The following NRXN2 variants were observed in gnomAD, a reference collection of about 807,000 sequenced individuals.
NRXN2 encodes neurexin 2.
In NRXN2, 29 loss-of-function variants were observed where a neutral mutation model predicts 128.8. That is an observed-to-expected ratio of 0.23 (90% CI 0.17 to 0.31). NRXN2 has a LOEUF of 0.31. Among genes scored for constraint, NRXN2 ranks in the 10% least tolerant of loss-of-function variants. The probability of loss-of-function intolerance (pLI) is 1.00; values close to 1 mark genes in which losing one functional copy is unlikely to be tolerated. For synonymous variants in NRXN2, 1,098 were observed against 1,075.2 expected (o/e 1.02, Z -0.41); for missense variants, 1,881 against 2,452.6 (o/e 0.77, Z 4.92).
rs1176477912 is a variant in NRXN2 at position 64,607,110 on chromosome 11, C to A, written c.*86G>T. On this transcript the variant is annotated 3_prime_UTR_variant, in exon 23 of 23. Coordinates refer to ENST00000265459, the MANE Select transcript of NRXN2 (RefSeq NM_015080.4). ...CCTGAGGCAGCCAGGGAGAGGGTCCCCAGGCCCCTGGCAGGGAGAGGGTGG... is the reference window on the plus strand; with the variant it reads ...CCTGAGGCAGCCAGGGAGAGGGTCCACAGGCCCCTGGCAGGGAGAGGGTGG... 7.6e-6 allele frequency: 11 copies of A among 1,450,594 alleles called. No homozygotes were observed. The East Asian group carries it at 2.3e-4, about 30-fold the overall frequency. The allele number at this position is 1,450,594 out of a possible 1,614,324, so 89.9% of individuals were successfully genotyped here. A position where few individuals can be genotyped will look rare whatever the true frequency, so the allele number is the denominator to read the frequency against.
chr11:64,697,892 G>A (rs557284195), intron 2 of NRXN2, 100 bp from the exon 3 acceptor site: 2 of 1,417,492 alleles, frequency 1.4e-6, no homozygotes, highest in Non-Finnish European at 2.0e-6. Context: ...GGGGAGAGAG[G>A]AGTCCAAGCC....
intron 2 of NRXN2, among the ~76,000 whole-genome samples, chr11:64,709,658 C>T (rs1168124296): frequency 1.3e-5 from 2 of 152,054 alleles, no homozygotes; most frequent in East Asian, 3.9e-4. Context: ...AGCCTTTATT[C>T]TCTCAATTAC....
chr11:64,636,713 T>G (rs565814582), intron 17 of NRXN2, among the ~76,000 whole-genome samples: 30 of 152,114 alleles, frequency 2.0e-4, no homozygotes, highest in African/African-American at 7.0e-4. Context: ...GTGGGAGAAC[T>G]CTGGAGTCAG....
At chr11:64,656,424 A>G (rs887079095) in intron 11 of NRXN2, among the ~76,000 whole-genome samples, 1 of 152,224 alleles carries the variant, frequency 6.6e-6, no homozygotes, top group African/African-American at 2.4e-5. Context: ...AATAAGTGGG[A>G]ATTTCAGAAG....
chr11:64,705,453 C>T (rs1477647266), intron 2 of NRXN2, among the ~76,000 whole-genome samples: 2 of 151,866 alleles, frequency 1.3e-5, no homozygotes, highest in Non-Finnish European at 2.9e-5. Context: ...CTCTCCTCCC[C>T]CGACCTTGTG....
chr11:64,717,322 G>A (rs1213050799), intron 1 of NRXN2, among the ~76,000 whole-genome samples: 1 of 152,180 alleles, frequency 6.6e-6, no homozygotes, highest in African/African-American at 2.4e-5. Flanking sequence ...ACTGACGTCA[G>A]TGCAGTGCAC....
At chr11:64,665,579 T>C (rs560685994) in intron 9 of NRXN2, among the ~76,000 whole-genome samples, 2 of 152,278 alleles carry the variant, frequency 1.3e-5, no homozygotes, top group African/African-American at 4.8e-5. Flanking sequence ...AACCATTTAA[T>C]GTAAAGCCCG....
chr11:64,619,259 C>CA (rs1302958964), intron 22 of NRXN2, among the ~76,000 whole-genome samples: 2 of 152,092 alleles, frequency 1.3e-5, no homozygotes, highest in African/African-American at 4.8e-5. Flanking sequence ...GGTGGCCCTC[C>CA]ACTCCCACAG....
At chr11:64,647,039 C>G (rs2046785076) in intron 17 of NRXN2, among the ~76,000 whole-genome samples, 1 of 152,094 alleles carries the variant, frequency 6.6e-6, no homozygotes, top group African/African-American at 2.4e-5. Context: ...CAGTAGGTTT[C>G]TCCTGTAAGA....
chr11:64,645,039 C>A (rs563010906), intron 17 of NRXN2, among the ~76,000 whole-genome samples: 6 of 152,252 alleles, frequency 3.9e-5, no homozygotes, highest in Middle Eastern at 6.8e-3. Context: ...TCCTCAGAGG[C>A]ACCCAGAGGA....
intron 6 of NRXN2, among the ~76,000 whole-genome samples, chr11:64,679,059 G>T (rs2135546039): frequency 6.6e-6 from 1 of 152,322 alleles, no homozygotes; most frequent in East Asian, 1.9e-4. Context: ...GTGGTAAGAG[G>T]ATTAGTACTG....
At position 64,623,154 on chromosome 11, in the gene NRXN2, G is replaced by A. The variant is rs1440932762; in HGVS notation, c.3848-76C>T. The A allele has an allele frequency of 4.0e-6, 6 of 1,514,604 alleles. No individual in the cohort carries two copies. In the Admixed American group the frequency reaches 1.2e-4, roughly 32 times the overall value. 93.8% of individuals were successfully genotyped at this position (1,514,604 alleles called of 1,614,324 possible). ...ACCAGGAAGGGAAGGAAGAAAAGAA[G>A]GAAGCCAAGGAGAGGAAAGAGGAAT... is the stretch of plus-strand genomic sequence containing the variant. On this transcript the variant is annotated intron_variant, in intron 20 of 22. Transcript: ENST00000265459. This position sits in a 1 kb window ranked among gnomAD's most constrained non-coding sequence, Gnocchi z 4.9.
intron 6 of NRXN2, among the ~76,000 whole-genome samples, chr11:64,682,573 A>T (rs1196886057): frequency 6.6e-6 from 1 of 152,226 alleles, no homozygotes; most frequent in East Asian, 1.9e-4. Flanking sequence ...AGCTCCTGAA[A>T]GCCTCTGCAC....
intron 11 of NRXN2, among the ~76,000 whole-genome samples, chr11:64,654,712 G>T (rs557101562): frequency 6.8e-4 from 103 of 152,310 alleles, no homozygotes; most frequent in African/African-American, 2.4e-3. Context: ...ATGAAGTCCA[G>T]ATTTAAGGCC....
chr11:64,669,997 C>T (rs1049421399), intron 7 of NRXN2, among the ~76,000 whole-genome samples: 1 of 151,968 alleles, frequency 6.6e-6, no homozygotes. Flanking sequence ...CATCTTCCAG[C>T]GACTGGTCTC....
chr11:64,652,693 G>A (rs1364658103), intron 12 of NRXN2, among the ~76,000 whole-genome samples: 1 of 152,088 alleles, frequency 6.6e-6, no homozygotes, highest in African/African-American at 2.4e-5. Flanking sequence ...TCTACAATGG[G>A]ACCCGATGGG....
chr11:64,611,422 T>C (rs986559999), intron 22 of NRXN2, among the ~76,000 whole-genome samples: 1 of 152,192 alleles, frequency 6.6e-6, no homozygotes, highest in Non-Finnish European at 1.5e-5. Flanking sequence ...TGGCCTAAGC[T>C]GGCTGGTCAT....
Position 64,660,977 on chromosome 11 carries a change from T to A in NRXN2, c.1961A>T (p.Tyr654Phe). The change falls in exon 10 of 23, where the codon TAC becomes TTC. Residue 654 changes from tyrosine to phenylalanine, a missense_variant. Transcript: ENST00000265459. This position sits in a 1 kb window ranked among gnomAD's most constrained non-coding sequence, Gnocchi z 5.2. ...EVWTAALRAG[Y>F]VGCVRDLFID... Reference sequence around the variant, plus strand: ...GAAGAGGTCCCGCACACAGCCCACGTAGCCTGCCCGGAGTGCTGCTGTCCA... The same window carrying A: ...GAAGAGGTCCCGCACACAGCCCACGAAGCCTGCCCGGAGTGCTGCTGTCCA... The A allele has an allele frequency of 6.2e-7, 1 of 1,613,820 alleles. No homozygotes were observed. The highest frequency in any genetic ancestry group is 8.5e-7 in the Non-Finnish European group (1 of 1,179,976).
At position 64,661,012 on chromosome 11, in the gene NRXN2, G is replaced by T; in HGVS notation, c.1926C>A (p.Pro642=). 1 of 1,613,630 alleles carries T rather than the reference G, an allele frequency of 6.2e-7. No homozygotes were observed. The highest frequency in any genetic ancestry group is 8.5e-7 in the Non-Finnish European group (1 of 1,179,998). The change falls in exon 10 of 23, where the codon CCC becomes CCA. Residue 642 remains proline (P), a synonymous_variant. Coordinates refer to ENST00000265459, the MANE Select transcript of NRXN2 (RefSeq NM_015080.4). The part of the protein sequence containing the change: ...PEGGRVDLPL[P]PEVWTAALRA... ...GGAGTGCTGCTGTCCACACCTCTGG[G>T]GGCAGGGGCAGGTCCACCCGGCCCC...
Sources: allele counts gnomAD v4.1 joint callset (sites outside exome capture counted in the v4.1 genomes callset), GRCh38; gene constraint gnomAD v4.1.1; non-coding constraint Gnocchi (gnomAD v3.1); transcripts MANE v1.5; gene names NCBI Gene and HGNC (gene_info 2026-07-23, HGNC 2026-07-21).